The following ANGPT1 variants were observed in gnomAD, a reference collection of about 807,000 sequenced individuals.
ANGPT1 encodes the protein angiopoietin 1, also known as angiopoietin-1.
In ANGPT1, 17 loss-of-function variants were observed where a neutral mutation model predicts 62.2. The observed-to-expected ratio is 0.27, with a 90% CI of 0.19 to 0.41. The LOEUF (loss-of-function observed/expected upper bound fraction) is 0.41, where lower values mean the gene tolerates loss of function less well. ANGPT1 is among the 10% of genes least tolerant of loss of function. ANGPT1 has a pLI of 1.00. For synonymous variants in ANGPT1, 199 were observed against 198.9 expected, an observed-to-expected ratio of 1.00 and a Z score of 0.00; for missense variants, 478 against 594.9, an observed-to-expected ratio of 0.80 and a Z score of 2.04.
intron 1 of ANGPT1, among the ~76,000 whole-genome samples, chr8:107,475,864 T>C (rs1812510218): frequency 6.6e-6 from 1 of 152,076 alleles, no homozygotes. Flanking sequence ...ATCAGAGAAA[T>C]GCAAATCGAA....
At chr8:107,383,781 TCTC>T (rs776894512) in intron 1 of ANGPT1, among the ~76,000 whole-genome samples, 37 of 152,102 alleles carry the variant, frequency 2.4e-4, no homozygotes, top group Non-Finnish European at 4.6e-4. Flanking sequence ...GGGCCAGAAT[TCTC>T]CTCAAGGGAC....
chr8:107,404,226 C>T (rs1817101389), intron 1 of ANGPT1, among the ~76,000 whole-genome samples: 1 of 152,086 alleles, frequency 6.6e-6, no homozygotes, highest in African/African-American at 2.4e-5. Context: ...AAATGGCTAA[C>T]AGTTTTCTTG....
chr8:107,412,934 G>C (rs958579227), intron 1 of ANGPT1, among the ~76,000 whole-genome samples: 2 of 152,156 alleles, frequency 1.3e-5, no homozygotes, highest in Non-Finnish European at 2.9e-5. Flanking sequence ...AAGTTCCTAT[G>C]ATGTGCCAGG....
At position 107,383,146 on chromosome 8, in the gene ANGPT1, C is replaced by A. The variant is rs983501159; in HGVS notation, c.298-36049G>T. Among the ~76,000 whole-genome samples, 6 of 152,264 alleles carry A rather than the reference C, an allele frequency of 3.9e-5. No individual in the cohort carries two copies. The East Asian group carries it at 1.2e-3, about 29-fold the overall frequency. On this transcript the variant is annotated intron_variant, in intron 1 of 8. Transcript: ENST00000517746. Reference sequence around the variant, plus strand: ...GATCCCTTTCTGTCTGACCACAGTGCACCACCAAGATTTTCTAATGTGGCT... The same window carrying A: ...GATCCCTTTCTGTCTGACCACAGTGAACCACCAAGATTTTCTAATGTGGCT...
At chr8:107,274,083 G>A (rs1813803587) in intron 7 of ANGPT1, among the ~76,000 whole-genome samples, 1 of 152,136 alleles carries the variant, frequency 6.6e-6, no homozygotes, top group African/African-American at 2.4e-5. Context: ...GAGAAGGTAT[G>A]GTGTGTCTGT....
intron 1 of ANGPT1, among the ~76,000 whole-genome samples, chr8:107,400,612 T>C (rs1471098455): frequency 6.6e-6 from 1 of 150,626 alleles, no homozygotes; most frequent in Admixed American, 6.7e-5. Context: ...CAAGCTGGAG[T>C]GCATTGTCGT....
At chr8:107,401,221 C>T (rs1360094590) in intron 1 of ANGPT1, among the ~76,000 whole-genome samples, 4 of 151,888 alleles carry the variant, frequency 2.6e-5, no homozygotes, top group African/African-American at 9.7e-5. Flanking sequence ...CCGTTTAGCA[C>T]TTCATTTTGG....
At chr8:107,313,824 T>C (rs188488830) in intron 4 of ANGPT1, among the ~76,000 whole-genome samples, 1 of 152,322 alleles carries the variant, frequency 6.6e-6, no homozygotes, top group African/African-American at 2.4e-5. Context: ...TTTATACACA[T>C]TTAAAGCTAA....
chr8:107,263,293 G>A (rs1586168846), intron 8 of ANGPT1, among the ~76,000 whole-genome samples: 1 of 147,646 alleles, frequency 6.8e-6, no homozygotes, highest in Admixed American at 6.9e-5. Context: ...GGTGGAGGCT[G>A]CAGTGAGCCG....
intron 1 of ANGPT1, among the ~76,000 whole-genome samples, chr8:107,445,987 G>A (rs897648639): frequency 6.6e-6 from 1 of 152,036 alleles, no homozygotes; most frequent in African/African-American, 2.4e-5. Flanking sequence ...GCGCTATCTC[G>A]GCTCACTGAA....
At chr8:107,400,583 G>A (rs1320911946) in intron 1 of ANGPT1, among the ~76,000 whole-genome samples, 3 of 146,574 alleles carry the variant, frequency 2.0e-5, no homozygotes, top group Non-Finnish European at 3.0e-5. Flanking sequence ...TTTTTGAGAC[G>A]GAGTCTCACT....
intron 1 of ANGPT1, among the ~76,000 whole-genome samples, chr8:107,347,818 C>G (rs1433178): frequency 6.6e-6 from 1 of 152,000 alleles, no homozygotes; most frequent in Admixed American, 6.6e-5. Context: ...GTATTTACTC[C>G]TCTTGCTTTG....
At chr8:107,363,599 G>A (rs186486282) in intron 1 of ANGPT1, among the ~76,000 whole-genome samples, 1 of 152,080 alleles carries the variant, frequency 6.6e-6, no homozygotes, top group Non-Finnish European at 1.5e-5. Context: ...TCTAGAAAAA[G>A]CGAAGAATAA....
chr8:107,266,818 C>T (rs11777042), intron 7 of ANGPT1, among the ~76,000 whole-genome samples: 36,104 of 151,840 alleles, frequency 0.24, 4,553 homozygotes, highest in East Asian at 0.31. Context: ...TGCTTGAATA[C>T]ATAGTTTATA....
rs368049830 is a variant in ANGPT1, at chr8:107,288,270, T to TA, written c.1039-3423dup. ...TTCAATTGGGACTAAACTATAGTACTAATGAAAGCACAGACTACTTTCTTA... is the reference window on the plus strand; with the variant it reads ...TTCAATTGGGACTAAACTATAGTACTAAATGAAAGCACAGACTACTTTCTTA... On this transcript the variant is annotated intron_variant, in intron 6 of 8. Transcript: ENST00000517746. 3.0e-3 allele frequency among the ~76,000 whole-genome samples: 462 copies of TA among 152,266 alleles called. 3 individuals carry two copies. The highest frequency in any genetic ancestry group is 0.01 in the African/African-American group (433 of 41,574).
At chr8:107,297,803 G>A (rs898285693) in intron 5 of ANGPT1, among the ~76,000 whole-genome samples, 4 of 150,330 alleles carry the variant, frequency 2.7e-5, no homozygotes, top group Admixed American at 2.0e-4. Flanking sequence ...CTATATTTAA[G>A]AGGTTGGACT....
At chr8:107,470,976 A>C (rs1273985399) in intron 1 of ANGPT1, among the ~76,000 whole-genome samples, 1 of 152,164 alleles carries the variant, frequency 6.6e-6, no homozygotes, top group East Asian at 1.9e-4. Flanking sequence ...ACCATTGTGG[A>C]AGACAGTGTG....
chr8:107,370,403 A>AAAAAG lies in ANGPT1; in HGVS notation c.298-23307_298-23306insCTTTT, dbSNP rs1554586990. ...AAGAAAGAAAGAAAGAAAGAAAGAA[A>AAAAAG]GAAAGAGTCAGGGTCAGTGGCTCAG... is the stretch of plus-strand genomic sequence containing the variant. On this transcript the variant is annotated intron_variant, in intron 1 of 8. Coordinates refer to ENST00000517746, the MANE Select transcript of ANGPT1 (RefSeq NM_001146.5). Among the ~76,000 whole-genome samples, 2 of 46,602 alleles carry AAAAAG rather than the reference A, an allele frequency of 4.3e-5. 1 individual carries two copies. Among genetic ancestry groups the AAAAAG allele is most frequent in the Non-Finnish European group, 1.0e-4 (2 of 19,918 alleles). 30.6% of individuals were successfully genotyped at this position (46,602 alleles called of 152,430 possible).
At chr8:107,295,669 T>C (rs1324390291) in intron 5 of ANGPT1, 1 of 152,112 alleles carries the variant, frequency 6.6e-6, no homozygotes, top group African/African-American at 2.4e-5. Flanking sequence ...GATCATAGTT[T>C]TGGATACCTC....
Sources: gnomAD v4.1 joint callset for allele counts (sites outside exome capture counted in the v4.1 genomes callset) on GRCh38, gnomAD v4.1.1 for gene constraint, MANE v1.5 for transcripts, NCBI Gene and HGNC (gene_info 2026-07-23, HGNC 2026-07-21) for gene names.